SQOR: variants seen among roughly 807,000 people sequenced by gnomAD.
SQOR encodes sulfide:quinone oxidoreductase, mitochondrial.
Under a neutral mutation model 48.6 loss-of-function variants are expected in SQOR, and 39 were observed. The observed-to-expected ratio is 0.80, with a 90% confidence interval of 0.62 to 1.05. The LOEUF is 1.05. Among genes scored for constraint, SQOR ranks in the 50% least tolerant of loss-of-function variants. SQOR has a pLI of 0.00. For missense variants in SQOR, 561 were observed against 559.9 expected (o/e 1.00, Z -0.02); for synonymous variants, 220 against 206.2 (o/e 1.07, Z -0.57).
intron 7 of SQOR, among the ~76,000 whole-genome samples, chr15:45,685,234 A>G (rs1890201901): frequency 6.6e-6 from 1 of 152,160 alleles, no homozygotes; most frequent in African/African-American, 2.4e-5. Flanking sequence ...CAATAGTACT[A>G]GCTGTTCCCA....
upstream of SQOR, among the ~76,000 whole-genome samples, chr15:45,633,780 A>G (rs1894944166): frequency 6.6e-6 from 1 of 151,988 alleles, no homozygotes; most frequent in African/African-American, 2.4e-5. Flanking sequence ...ATAAAAGTCT[A>G]CAGTCTGCGT....
Position 45,661,917 on chromosome 15 carries a change from T to A in SQOR, c.235-38T>A, listed in dbSNP as rs775758681. 1.9e-6 allele frequency: 3 copies of A among 1,594,944 alleles called. No individual in the cohort carries two copies. In the South Asian group the frequency reaches 3.4e-5, roughly 18 times the overall value. Reference sequence around the variant, plus strand: ...TAGCTATGACCCCTTTTGATCAGTGTCAAATTGCAATAAATCTTCAAATAC... The same window carrying A: ...TAGCTATGACCCCTTTTGATCAGTGACAAATTGCAATAAATCTTCAAATAC... On this transcript the variant is annotated intron_variant, in intron 2 of 9. Transcript: ENST00000260324.
rs906223772 is a variant in SQOR at position 45,640,203 on chromosome 15, T to A, written c.-18+5095T>A. On this transcript the variant is annotated intron_variant, in intron 1 of 9. Transcript: ENST00000260324. ...TTGCCACAAAAATTCACATCTCTGATCAATCTAAGGAGTTATTAGAACAAG... is the reference window on the plus strand; with the variant it reads ...TTGCCACAAAAATTCACATCTCTGAACAATCTAAGGAGTTATTAGAACAAG... 2.0e-5 allele frequency among the ~76,000 whole-genome samples: 3 copies of A among 152,222 alleles called. No individual in the cohort carries two copies. In the South Asian group the frequency reaches 6.2e-4, roughly 32 times the overall value.
At chr15:45,672,025 C>T (rs1335637543) in intron 4 of SQOR, among the ~76,000 whole-genome samples, 1 of 152,158 alleles carries the variant, frequency 6.6e-6, no homozygotes, top group Non-Finnish European at 1.5e-5. Flanking sequence ...GCAGGTTTTC[C>T]TGAAAGGAGC....
At chr15:45,666,352 G>A (rs1472011296) in intron 3 of SQOR, among the ~76,000 whole-genome samples, 2 of 152,130 alleles carry the variant, frequency 1.3e-5, no homozygotes, top group Non-Finnish European at 2.9e-5. Context: ...GTTCCTGAAG[G>A]GCAGGAAGTG....
chr15:45,658,368 C>T (rs1032567046), intron 1 of SQOR, among the ~76,000 whole-genome samples: 9 of 152,182 alleles, frequency 5.9e-5, no homozygotes, highest in African/African-American at 2.2e-4. Flanking sequence ...CCTTGATTGC[C>T]CTGGTGGGTA....
chr15:45,668,803 C>T (rs1281759679), intron 3 of SQOR, among the ~76,000 whole-genome samples: 1 of 152,214 alleles, frequency 6.6e-6, no homozygotes, highest in Non-Finnish European at 1.5e-5. Flanking sequence ...CATTTCCTAA[C>T]TCCAGTTTTC....
chr15:45,682,155 C>T (rs1392025466), intron 6 of SQOR, among the ~76,000 whole-genome samples: 2 of 152,172 alleles, frequency 1.3e-5, no homozygotes, highest in Non-Finnish European at 1.5e-5. Context: ...TATTTTAGTA[C>T]TAATAAAAAC....
At chr15:45,677,555 T>C (rs1456907939) in intron 6 of SQOR, among the ~76,000 whole-genome samples, 5 of 152,244 alleles carry the variant, frequency 3.3e-5, no homozygotes, top group Non-Finnish European at 5.9e-5. Context: ...CTGTGATGTT[T>C]CTATAGCTTT....
intron 1 of SQOR, among the ~76,000 whole-genome samples, chr15:45,651,530 G>T (rs1889489983): frequency 6.6e-6 from 1 of 152,286 alleles, no homozygotes; most frequent in Admixed American, 6.5e-5. Flanking sequence ...CTGAGAGCGA[G>T]TGAGGGCTGC....
chr15:45,653,559 T>C (rs1889537165), intron 1 of SQOR, among the ~76,000 whole-genome samples: 1 of 152,194 alleles, frequency 6.6e-6, no homozygotes, highest in African/African-American at 2.4e-5. Context: ...TGTCTTGTTA[T>C]AGAGCTCAAT....
At chr15:45,669,559 A>G (rs1889900546) in intron 3 of SQOR, among the ~76,000 whole-genome samples, 2 of 152,200 alleles carry the variant, frequency 1.3e-5, no homozygotes, top group Non-Finnish European at 2.9e-5. Flanking sequence ...AGCACTGTAC[A>G]AATAATTGTG....
At chr15:45,685,443 C>T (rs1218176464) in intron 7 of SQOR, among the ~76,000 whole-genome samples, 1 of 152,226 alleles carries the variant, frequency 6.6e-6, no homozygotes, top group Non-Finnish European at 1.5e-5. Flanking sequence ...TTCTCTGCTT[C>T]TCTCTGCCCC....
intron 7 of SQOR, among the ~76,000 whole-genome samples, chr15:45,682,958 T>G (rs1595509905): frequency 7.0e-6 from 1 of 142,288 alleles, no homozygotes; most frequent in African/African-American, 2.7e-5. Context: ...ACACGGGAGG[T>G]GGAGGTTGCA....
Position 45,682,566 on chromosome 15 carries a change from T to A in SQOR, c.953T>A (p.Val318Glu). 3.7e-6 allele frequency: 6 copies of A among 1,614,186 alleles called. No individual in the cohort carries two copies. Among genetic ancestry groups the A allele is most frequent in the Non-Finnish European group, 4.2e-6 (5 of 1,180,016 alleles). ...GCTGATGCTGCTGGTTGGGTGGATG[T>A]GGATAAAGAAACTCTGCAACACAGG... ...PVADAAGWVD[V>E]DKETLQHRRY... is the part of the protein sequence containing the mutation. Residue 318 changes from valine (V) to glutamate (E), a missense_variant, in exon 7 of 10, where the codon GTG becomes GAG. Physicochemically the swap from Val to Glu is moderately radical, Grantham distance 121 (BLOSUM62 -2). Coordinates refer to ENST00000260324, the MANE Select transcript of SQOR (RefSeq NM_021199.4).
intron 1 of SQOR, among the ~76,000 whole-genome samples, chr15:45,644,330 C>T (rs1895162528): frequency 6.6e-6 from 1 of 152,200 alleles, no homozygotes; most frequent in South Asian, 2.1e-4. Context: ...AAGTGATCCA[C>T]CTGCCTCGGC....
chr15:45,666,006 A>G (rs892769325), intron 3 of SQOR, among the ~76,000 whole-genome samples: 5 of 152,120 alleles, frequency 3.3e-5, no homozygotes, highest in African/African-American at 1.2e-4. Context: ...TTTGTCTGAA[A>G]CACATCTCAA....
intron 4 of SQOR, among the ~76,000 whole-genome samples, chr15:45,673,306 A>C (rs929938765): frequency 2.6e-5 from 4 of 152,264 alleles, no homozygotes; most frequent in African/African-American, 9.6e-5. Flanking sequence ...CCTAAAAGGA[A>C]GGCTGGCTGG....
intron 4 of SQOR, among the ~76,000 whole-genome samples, chr15:45,672,271 G>C (rs1889958557): frequency 6.6e-6 from 1 of 151,960 alleles, no homozygotes; most frequent in Non-Finnish European, 1.5e-5. Context: ...TCCATTCTAG[G>C]GGTTAATATT....
Sources: gnomAD v4.1 joint callset for allele counts (sites outside exome capture counted in the v4.1 genomes callset) on GRCh38, gnomAD v4.1.1 for gene constraint, MANE v1.5 for transcripts, NCBI Gene and HGNC (gene_info 2026-07-23, HGNC 2026-07-21) for gene names.